Variants in SRPK2 observed in about 807,000 individuals in gnomAD.
SRPK2 encodes SFRS protein kinase 2.
In SRPK2, 21 loss-of-function variants were observed where a neutral mutation model predicts 90.8. The observed-to-expected ratio is 0.23, with a 90% confidence interval of 0.16 to 0.33. The LOEUF is 0.33. Ranked by LOEUF, SRPK2 falls within the 10% of genes least tolerant of loss-of-function variation. SRPK2 has a pLI of 1.00. For missense variants in SRPK2, 620 were observed against 869.0 expected (o/e 0.71, Z 3.60); for synonymous variants, 288 against 311.1 (o/e 0.93, Z 0.78).
In SRPK2 at chr7:105,142,302, C is replaced by G. The variant is rs1803898215; in HGVS notation, c.1249G>C (p.Glu417Gln). 1.9e-6 allele frequency: 3 copies of G among 1,613,986 alleles called. No individual in the cohort carries two copies. Among genetic ancestry groups the G allele is most frequent in the Non-Finnish European group, 2.5e-6 (3 of 1,180,030 alleles). ...QQLDDEDDDEEDCPNPEEYNL... is the reference protein window; with the variant it reads ...QQLDDEDDDEQDCPNPEEYNL... ...TATTCCTCAGGATTTGGGCAGTCTT[C>G]TTCATCATCATCTTCATCGTCCAGT... Residue 417 changes from glutamate (E) to glutamine (Q), a missense_variant, in exon 11 of 16, where the codon GAA becomes CAA. Physicochemically the swap from Glu to Gln is conservative, Grantham distance 29. Transcript: ENST00000393651.
intron 2 of SRPK2, chr7:105,268,788 C>T: frequency 6.3e-7 from 1 of 1,589,234 alleles, no homozygotes; most frequent in Non-Finnish European, 8.6e-7. Context: ...ATTGTTCATG[C>T]AAGAGATGTA....
chr7:105,302,752 C>T (rs931372618), intron 2 of SRPK2, among the ~76,000 whole-genome samples: 27 of 152,212 alleles, frequency 1.8e-4, no homozygotes, highest in African/African-American at 6.3e-4. Context: ...AATATAAAAA[C>T]AAATCTGCTA....
chr7:105,149,153 A>T (rs183744096), intron 7 of SRPK2, among the ~76,000 whole-genome samples: 6,067 of 152,260 alleles, frequency 0.04, 183 homozygotes, highest in Non-Finnish European at 0.063. Flanking sequence ...GAGGAAGGCC[A>T]CTGTCTCCTG....
At chr7:105,263,276 T>G (rs552918285) in intron 2 of SRPK2, among the ~76,000 whole-genome samples, 2 of 151,526 alleles carry the variant, frequency 1.3e-5, no homozygotes, top group Admixed American at 1.3e-4. Flanking sequence ...TGAGCTGAGA[T>G]CGCTCCACTT....
At chr7:105,331,731 C>A (rs145490999) in intron 2 of SRPK2, among the ~76,000 whole-genome samples, 2 of 151,990 alleles carry the variant, frequency 1.3e-5, no homozygotes, top group Admixed American at 6.6e-5. Context: ...AAAAAGTGTA[C>A]GGAAAGTTGC....
chr7:105,319,846 C>T (rs1812738408), intron 2 of SRPK2, among the ~76,000 whole-genome samples: 1 of 150,682 alleles, frequency 6.6e-6, no homozygotes, highest in African/African-American at 2.4e-5. Context: ...GAGTTCTGGA[C>T]ATCACTTCCC....
At chr7:105,199,253 C>G (rs1795263765) in intron 3 of SRPK2, among the ~76,000 whole-genome samples, 2 of 152,086 alleles carry the variant, frequency 1.3e-5, no homozygotes, top group Admixed American at 6.6e-5. Context: ...CTGTGATGAA[C>G]AAATTTTATT....
chr7:105,325,016 C>T (rs1813399853), intron 2 of SRPK2, among the ~76,000 whole-genome samples: 1 of 152,214 alleles, frequency 6.6e-6, no homozygotes, highest in African/African-American at 2.4e-5. Context: ...TCATTATTAA[C>T]AATCACTTAA....
intron 2 of SRPK2, among the ~76,000 whole-genome samples, 156 bp downstream of exon 2, chr7:105,388,492 C>G (rs1349398196): frequency 1.0e-4 from 15 of 147,670 alleles, no homozygotes; most frequent in Non-Finnish European, 1.8e-4. Flanking sequence ...GCCCCTCCCC[C>G]CGGGCCGCCC....
chr7:105,348,783 A>C (rs1397465903), intron 2 of SRPK2, among the ~76,000 whole-genome samples: 1 of 152,200 alleles, frequency 6.6e-6, no homozygotes, highest in Non-Finnish European at 1.5e-5. Flanking sequence ...ACTTTAAAAA[A>C]AAAAATTTAT....
At chr7:105,153,028 G>A (rs569235309) in intron 7 of SRPK2, among the ~76,000 whole-genome samples, 3 of 152,152 alleles carry the variant, frequency 2.0e-5, no homozygotes, top group Non-Finnish European at 2.9e-5. Flanking sequence ...GCAAGATTCC[G>A]TCTCAAAAAC....
intron 2 of SRPK2, chr7:105,204,472 C>G (rs546427389): frequency 3.0e-6 from 1 of 330,730 alleles, no homozygotes; most frequent in East Asian, 9.0e-5. Flanking sequence ...ATGGGATTCA[C>G]TTACTATTCC....
intron 2 of SRPK2, among the ~76,000 whole-genome samples, chr7:105,358,773 T>C (rs1006029123): frequency 1.3e-5 from 2 of 152,192 alleles, no homozygotes; most frequent in East Asian, 3.9e-4. Context: ...AAAGAAGGAA[T>C]ATCTAAGCCT....
At chr7:105,234,813 T>G (rs1799926693) in intron 2 of SRPK2, among the ~76,000 whole-genome samples, 2 of 151,864 alleles carry the variant, frequency 1.3e-5, no homozygotes, top group Admixed American at 1.3e-4. Flanking sequence ...AAAAAAAGGT[T>G]CAGTGTGGGT....
intron 2 of SRPK2, among the ~76,000 whole-genome samples, chr7:105,255,500 G>A (rs545934003): frequency 5.3e-5 from 8 of 152,264 alleles, no homozygotes; most frequent in Middle Eastern, 3.4e-3. Flanking sequence ...AGGGAAAGGC[G>A]GGGAATAATG....
chr7:105,175,031 G>A (rs919055073), intron 3 of SRPK2, among the ~76,000 whole-genome samples: 1 of 151,976 alleles, frequency 6.6e-6, no homozygotes, highest in Admixed American at 6.6e-5. Context: ...TGTAGTCCCA[G>A]CTATTTGGGA....
At chr7:105,354,355 T>A (rs1367023054) in intron 2 of SRPK2, among the ~76,000 whole-genome samples, 1 of 152,164 alleles carries the variant, frequency 6.6e-6, no homozygotes, top group Non-Finnish European at 1.5e-5. Flanking sequence ...ATCCAGCTCA[T>A]CCACCCTGTA....
chr7:105,379,274 C>T (rs1374290711), intron 2 of SRPK2, among the ~76,000 whole-genome samples: 2 of 151,484 alleles, frequency 1.3e-5, no homozygotes, highest in African/African-American at 4.8e-5. Context: ...ATAAAAACTA[C>T]AAATTAAAAA....
intron 7 of SRPK2, among the ~76,000 whole-genome samples, chr7:105,149,445 A>G (rs958077964): frequency 6.6e-6 from 1 of 151,970 alleles, no homozygotes; most frequent in African/African-American, 2.4e-5. Context: ...CTGCCCTCCT[A>G]CTACATTCCT....
Sources: gnomAD v4.1 joint callset for allele counts (sites outside exome capture counted in the v4.1 genomes callset) on GRCh38, gnomAD v4.1.1 for gene constraint, MANE v1.5 for transcripts, NCBI Gene and HGNC (gene_info 2026-07-23, HGNC 2026-07-21) for gene names.